Variants in AIM2 observed in about 807,000 individuals in gnomAD.
The protein encoded by AIM2 is interferon-inducible protein AIM2.
In AIM2, 30 loss-of-function variants were observed where a neutral mutation model predicts 27.7. The observed-to-expected ratio is 1.08, with a 90% CI of 0.81 to 1.47. AIM2 has a LOEUF of 1.47. AIM2 is among the 40% of genes most tolerant of loss of function. AIM2 has a pLI of 0.00. For synonymous variants in AIM2, 141 were observed against 145.3 expected (o/e 0.97, Z 0.21); for missense variants, 358 against 411.3 (o/e 0.87, Z 1.12).
intron 1 of AIM2, among the ~76,000 whole-genome samples, chr1:159,138,572 G>A (rs914566943): frequency 6.6e-6 from 1 of 152,186 alleles, no homozygotes; most frequent in Non-Finnish European, 1.5e-5. Flanking sequence ...CCATGAAGAA[G>A]GTGGAATCTA....
At chr1:159,087,438 G>C (rs921178974) in intron 1 of AIM2, among the ~76,000 whole-genome samples, 5 of 152,038 alleles carry the variant, frequency 3.3e-5, no homozygotes, top group African/African-American at 1.2e-4. Context: ...AGGATGGGGG[G>C]ATCAGGAGGA....
At chr1:159,124,287 A>G (rs2102043224) in intron 1 of AIM2, among the ~76,000 whole-genome samples, 1 of 152,362 alleles carries the variant, frequency 6.6e-6, no homozygotes, top group Admixed American at 6.5e-5. Flanking sequence ...TTCAGCCTGC[A>G]ATGCAGTTCG....
At chr1:159,093,165 T>C (rs968076017) in intron 1 of AIM2, among the ~76,000 whole-genome samples, 4 of 152,124 alleles carry the variant, frequency 2.6e-5, no homozygotes, top group East Asian at 1.9e-4. Flanking sequence ...CATTAACCCA[T>C]ACAAATACAC....
upstream of AIM2, chr1:159,140,526 C>T (rs927118826): frequency 2.0e-5 from 3 of 152,192 alleles, no homozygotes; most frequent in Non-Finnish European, 4.4e-5. Context: ...GTCCTCTGGT[C>T]GCCCGTCCAG....
At chr1:159,114,099 T>C (rs765790661) in intron 1 of AIM2, among the ~76,000 whole-genome samples, 1 of 152,184 alleles carries the variant, frequency 6.6e-6, no homozygotes, top group Non-Finnish European at 1.5e-5. Context: ...AAAGAGCTCT[T>C]CCTTTGTTTC....
At chr1:159,085,047 A>G (rs889890410) in intron 1 of AIM2, among the ~76,000 whole-genome samples, 1 of 152,130 alleles carries the variant, frequency 6.6e-6, no homozygotes, top group Non-Finnish European at 1.5e-5. Flanking sequence ...TGCTAAATCT[A>G]CAGAACAAAT....
rs114452414 is a variant in AIM2 at position 159,137,382 on chromosome 1, C to A, written c.-16+3049G>T. On this transcript the variant is annotated intron_variant, in intron 1 of 2. Coordinates refer to the AIM2 transcript ENST00000368129. ...TTAAAACCTACGTGCTGGGGCTGGG[C>A]GTGGTGGCTCACACCTGTAATCCCA... Among the ~76,000 whole-genome samples, 475 of 152,220 alleles carry A rather than the reference C, an allele frequency of 3.1e-3. 2 individuals are homozygous for A. Among genetic ancestry groups the A allele is most frequent in the Middle Eastern group, 0.02 (6 of 294 alleles).
chr1:159,069,645 T>G (rs1278328718), intron 2 of AIM2, among the ~76,000 whole-genome samples: 1 of 151,576 alleles, frequency 6.6e-6, no homozygotes, highest in East Asian at 1.9e-4. Flanking sequence ...TGGGTTCAAG[T>G]GATTCTCCTG....
At chr1:159,085,827 C>G (rs942907674) in intron 1 of AIM2, among the ~76,000 whole-genome samples, 2 of 152,098 alleles carry the variant, frequency 1.3e-5, no homozygotes, top group Non-Finnish European at 2.9e-5. Context: ...TGCTGGAAGG[C>G]AAGGCAAAGA....
At chr1:159,107,738 C>T (rs180931201) in intron 1 of AIM2, among the ~76,000 whole-genome samples, 62 of 152,140 alleles carry the variant, frequency 4.1e-4, no homozygotes, top group African/African-American at 1.4e-3. Context: ...ACAGACACCA[C>T]AGAAATACAA....
chr1:159,066,399 T>G (rs1487509500), intron 3 of AIM2, 70 bp from the exon 4 acceptor site: 11 of 1,488,812 alleles, frequency 7.4e-6, no homozygotes, highest in Non-Finnish European at 9.9e-6. Flanking sequence ...TTACTTCACC[T>G]ACAGTGCTAA....
In AIM2 at chr1:159,126,794, A is replaced by AT. The variant is rs1647707566; in HGVS notation, c.-16+13636dup. On this transcript the variant is annotated intron_variant, in intron 1 of 2. Coordinates refer to the AIM2 transcript ENST00000368129. ...AATTGCTTGCTCTAGGAGATATAAG[A>AT]TTATTCCAACAGCATTGTTTATAAT... is the stretch of plus-strand genomic sequence containing the variant. Among the ~76,000 whole-genome samples, 4 of 152,316 alleles carry AT rather than the reference A, an allele frequency of 2.6e-5. No homozygotes were observed. The South Asian group carries it at 8.3e-4, about 32-fold the overall frequency.
intron 4 of AIM2, 106 bp from the exon 5 acceptor site, chr1:159,063,780 A>G: frequency 8.5e-7 from 1 of 1,175,092 alleles, no homozygotes; most frequent in South Asian, 1.5e-5. Flanking sequence ...AAATCAGTTG[A>G]TTCTTGAACA....
downstream of AIM2, among the ~76,000 whole-genome samples, chr1:159,062,212 T>C (rs1655859814): frequency 1.3e-5 from 2 of 152,252 alleles, no homozygotes; most frequent in African/African-American, 4.8e-5. Flanking sequence ...TTATTATTTC[T>C]ATACCTTTTA....
At chr1:159,112,984 G>A (rs1000856705) in intron 1 of AIM2, among the ~76,000 whole-genome samples, 14 of 149,444 alleles carry the variant, frequency 9.4e-5, no homozygotes, top group Admixed American at 4.6e-4. Flanking sequence ...TCACTCTGTC[G>A]CCCAGGCTGG....
At chr1:159,144,594 C>T (rs1248882469), upstream of AIM2, among the ~76,000 whole-genome samples, 5 of 151,960 alleles carry the variant, frequency 3.3e-5, no homozygotes, top group East Asian at 5.8e-4. Flanking sequence ...TTCATGTTTA[C>T]GTAAACTCTC....
At position 159,066,112 on chromosome 1, in the gene AIM2, C is replaced by A; in HGVS notation, c.614G>T (p.Arg205Ile). ...TLLKDKFIPK[R>I]IIIIARYYRH... ...ATAATATCTTGCTATTATAATTATT[C>A]TCTTTGGAATGAATTTATCTTTCAG... Residue 205 changes from arginine to isoleucine, a missense_variant, in exon 4 of 6, where the codon AGA (arginine) becomes ATA (isoleucine). Physicochemically the swap from Arg to Ile is moderately conservative, Grantham distance 97. Coordinates refer to ENST00000368130, the MANE Select transcript of AIM2 (RefSeq NM_004833.3). The A allele has an allele frequency of 6.2e-7, 1 of 1,614,162 alleles. No homozygotes were observed. Among genetic ancestry groups the A allele is most frequent in the Non-Finnish European group, 8.5e-7 (1 of 1,180,010 alleles).
intron 1 of AIM2, among the ~76,000 whole-genome samples, chr1:159,119,210 T>G (rs1332062243): frequency 6.6e-6 from 1 of 150,814 alleles, no homozygotes; most frequent in Non-Finnish European, 1.5e-5. Context: ...AAAATACACT[T>G]TTTAGCTTTG....
chr1:159,081,743 A>T (rs985096261), upstream of AIM2: 3 of 205,850 alleles, frequency 1.5e-5, no homozygotes, highest in Non-Finnish European at 3.0e-5. Context: ...AATTAAGTTA[A>T]CTTTAAAAGT....
Sources: allele counts gnomAD v4.1 joint callset (sites outside exome capture counted in the v4.1 genomes callset), GRCh38; gene constraint gnomAD v4.1.1; transcripts MANE v1.5; gene names NCBI Gene and HGNC (gene_info 2026-07-23, HGNC 2026-07-21).